The following SLC20A2 variants were observed in gnomAD, a reference collection of about 807,000 sequenced individuals.
SLC20A2 encodes sodium-dependent phosphate transporter 2.
Under a neutral mutation model 61.0 loss-of-function variants are expected in SLC20A2, and 30 were observed. The observed-to-expected ratio is 0.49, with a 90% CI of 0.37 to 0.67. The LOEUF (loss-of-function observed/expected upper bound fraction) is 0.67, where lower values mean the gene tolerates loss of function less well. Ranked by LOEUF, SLC20A2 falls within the 30% of genes least tolerant of loss-of-function variation. SLC20A2 has a pLI of 0.00. For missense variants in SLC20A2, 626 were observed against 866.4 expected, an observed-to-expected ratio of 0.72 and a Z score of 3.48; for synonymous variants, 351 against 353.3, an observed-to-expected ratio of 0.99 and a Z score of 0.07.
chr8:42,431,941 C>A (rs1294467102), intron 8 of SLC20A2, among the ~76,000 whole-genome samples: 2 of 152,206 alleles, frequency 1.3e-5, no homozygotes, highest in African/African-American at 2.4e-5. Context: ...CACTTGGTCA[C>A]CAGAGAGCTC....
chr8:42,487,908 C>T lies in SLC20A2; in HGVS notation c.-265+13123G>A, dbSNP rs144524625. Among the ~76,000 whole-genome samples, 662 of 152,258 alleles carry T rather than the reference C, an allele frequency of 4.3e-3. 4 individuals are homozygous for T. The highest frequency in any genetic ancestry group is 0.015 in the African/African-American group (613 of 41,542). ...TTAGACAATAACTTGCCATTCTCGC[C>T]TTTCTCCAACCCCTGGCCACCAACA... On this transcript the variant is annotated intron_variant, in intron 1 of 10. Transcript: ENST00000520262.
intron 1 of SLC20A2, among the ~76,000 whole-genome samples, chr8:42,533,651 G>GTT (rs1554577829): frequency 3.3e-5 from 3 of 89,740 alleles, no homozygotes; most frequent in African/African-American, 1.4e-4. Context: ...ATGATCAACT[G>GTT]TTCTTTTTTT....
intron 1 of SLC20A2, among the ~76,000 whole-genome samples, chr8:42,510,779 T>G (rs926787054): frequency 6.6e-6 from 1 of 152,020 alleles, no homozygotes; most frequent in African/African-American, 2.4e-5. Flanking sequence ...AGGATAAGGA[T>G]CCATCTACCT....
chr8:42,499,169 G>A (rs949026916), intron 1 of SLC20A2, among the ~76,000 whole-genome samples: 5 of 152,098 alleles, frequency 3.3e-5, no homozygotes, highest in African/African-American at 1.2e-4. Context: ...AGGCGGGCTC[G>A]GCTCCTGGAC....
At chr8:42,477,112 G>C (rs1200943089) in intron 1 of SLC20A2, among the ~76,000 whole-genome samples, 1 of 152,234 alleles carries the variant, frequency 6.6e-6, no homozygotes, top group African/African-American at 2.4e-5. Flanking sequence ...CTCTCTAGTG[G>C]CTGACCCTGG....
At chr8:42,531,053 G>A (rs1199098134) in intron 1 of SLC20A2, among the ~76,000 whole-genome samples, 10 of 152,108 alleles carry the variant, frequency 6.6e-5, no homozygotes, top group Admixed American at 6.5e-4. Flanking sequence ...TCCTGTAATA[G>A]CTGCTACACA....
At chr8:42,490,147 A>C (rs1809402703) in intron 1 of SLC20A2, among the ~76,000 whole-genome samples, 1 of 152,228 alleles carries the variant, frequency 6.6e-6, no homozygotes, top group Admixed American at 6.5e-5. Context: ...TTCTTACACC[A>C]TTGGTCACTG....
At chr8:42,488,871 A>G (rs948599377) in intron 1 of SLC20A2, among the ~76,000 whole-genome samples, 1 of 151,262 alleles carries the variant, frequency 6.6e-6, no homozygotes, top group African/African-American at 2.4e-5. Flanking sequence ...AATGTCTATT[A>G]AAGTCCTGTG....
intron 1 of SLC20A2, among the ~76,000 whole-genome samples, chr8:42,497,778 G>A (rs866660331): frequency 6.7e-6 from 1 of 148,280 alleles, no homozygotes; most frequent in Non-Finnish European, 1.5e-5. Context: ...CCATGAACTA[G>A]ACCCAGAACC....
chr8:42,464,092 C>CTTTTT (rs1170751054), intron 3 of SLC20A2, among the ~76,000 whole-genome samples: 288 of 20,538 alleles, frequency 0.014, 94 homozygotes, highest in African/African-American at 0.03. Flanking sequence ...GCTGGATGAT[C>CTTTTT]TTTTTTTTTT....
chr8:42,504,840 A>G (rs185273342), upstream of SLC20A2, among the ~76,000 whole-genome samples: 1,152 of 123,834 alleles, frequency 9.3e-3, 26 homozygotes, highest in African/African-American at 0.032. Flanking sequence ...GCAACAAAGC[A>G]AGACTCCGTC....
At chr8:42,477,086 C>A (rs551434703) in intron 1 of SLC20A2, among the ~76,000 whole-genome samples, 1 of 152,270 alleles carries the variant, frequency 6.6e-6, no homozygotes, top group East Asian at 1.9e-4. Flanking sequence ...CATAAGGCCC[C>A]GTCGCAGTTC....
At chr8:42,475,267 T>G (rs994022667) in intron 1 of SLC20A2, among the ~76,000 whole-genome samples, 9 of 151,994 alleles carry the variant, frequency 5.9e-5, no homozygotes, top group Admixed American at 1.3e-4. Flanking sequence ...ACCCTACTAA[T>G]TTTTAAATTT....
intron 3 of SLC20A2, 121 bp downstream of exon 3, chr8:42,465,656 A>C (rs1034820346): frequency 3.1e-6 from 3 of 957,742 alleles, no homozygotes; most frequent in African/African-American, 3.4e-5. Context: ...GCACCACTGC[A>C]CTCCAGCCTG....
intron 5 of SLC20A2, among the ~76,000 whole-genome samples, chr8:42,455,608 C>A (rs1029281844): frequency 6.6e-6 from 1 of 150,464 alleles, no homozygotes; most frequent in African/African-American, 2.5e-5. Context: ...TGCAGTGAGC[C>A]GAGATTGCTG....
chr8:42,459,941 T>C lies in SLC20A2; in HGVS notation c.568A>G (p.Thr190Ala), dbSNP rs1272921798. ...ATGGAAAAGACATTGATTGCTATGG[T>C]AGCAGCATAGAATACTGGGAGTGCC... ...LRALPVFYAA[T>A]IAINVFSIMY... Residue 190 changes from threonine to alanine, a missense_variant, in exon 5 of 11, where the codon ACC becomes GCC. Physicochemically the swap from Thr to Ala is moderately conservative, Grantham distance 58 (BLOSUM62 0). Transcript: ENST00000520262. The C allele has an allele frequency of 6.2e-6, 10 of 1,613,414 alleles. No individual in the cohort carries two copies. Among genetic ancestry groups the C allele is most frequent in the Non-Finnish European group, 8.5e-6 (10 of 1,179,732 alleles).
At chr8:42,528,792 G>A (rs112405149) in intron 1 of SLC20A2, among the ~76,000 whole-genome samples, 21 of 151,208 alleles carry the variant, frequency 1.4e-4, no homozygotes, top group African/African-American at 3.9e-4. Context: ...TCAGCCTCCC[G>A]AGTAGCCAGG....
chr8:42,424,946 T>C (rs1803299495), intron 10 of SLC20A2, among the ~76,000 whole-genome samples: 1 of 152,106 alleles, frequency 6.6e-6, no homozygotes, highest in Non-Finnish European at 1.5e-5. Context: ...CTCAGGAGGC[T>C]GAGGCAGGAA....
At chr8:42,434,494 CAGCT>C (rs1804093961) in intron 8 of SLC20A2, among the ~76,000 whole-genome samples, 1 of 152,190 alleles carries the variant, frequency 6.6e-6, no homozygotes, top group African/African-American at 2.4e-5. Context: ...CTCCCCCAGC[CAGCT>C]GTGTAGACTG....
Sources: gnomAD v4.1 joint callset for allele counts (sites outside exome capture counted in the v4.1 genomes callset) on GRCh38, gnomAD v4.1.1 for gene constraint, MANE v1.5 for transcripts, NCBI Gene and HGNC (gene_info 2026-07-23, HGNC 2026-07-21) for gene names.